EGFLAM: variants seen among roughly 807,000 people sequenced by gnomAD.
EGFLAM encodes the protein EGF like, fibronectin type III and laminin G domains, also known as pikachurin.
A neutral mutation model predicts 113.1 loss-of-function variants in EGFLAM; 79 were observed. That is an observed-to-expected ratio of 0.70 (90% CI 0.58 to 0.84). EGFLAM has a LOEUF of 0.84. Ranked by LOEUF, EGFLAM falls within the 40% of genes least tolerant of loss-of-function variation. EGFLAM has a pLI of 0.00. For missense variants in EGFLAM, 1,265 were observed against 1,291.6 expected, an observed-to-expected ratio of 0.98 and a Z score of 0.32; for synonymous variants, 504 against 487.6, an observed-to-expected ratio of 1.03 and a Z score of -0.44.
At chr5:38,414,898 G>A (rs1041496777) in intron 11 of EGFLAM, among the ~76,000 whole-genome samples, 1 of 152,164 alleles carries the variant, frequency 6.6e-6, no homozygotes, top group African/African-American at 2.4e-5. Flanking sequence ...GGACAGAAGT[G>A]CAACAGACTA....
At chr5:38,383,753 G>A (rs1004742748) in intron 6 of EGFLAM, among the ~76,000 whole-genome samples, 1 of 152,012 alleles carries the variant, frequency 6.6e-6, no homozygotes, top group Non-Finnish European at 1.5e-5. Flanking sequence ...GTAGAGGATG[G>A]TGGGAGCTGC....
chr5:38,417,628 C>T (rs935634059), intron 11 of EGFLAM, among the ~76,000 whole-genome samples: 3 of 151,672 alleles, frequency 2.0e-5, no homozygotes, highest in Non-Finnish European at 4.4e-5. Flanking sequence ...GTGACTAGGA[C>T]AGTGAAAAGG....
intron 5 of EGFLAM, among the ~76,000 whole-genome samples, chr5:38,356,717 C>G (rs1307067841): frequency 6.6e-6 from 1 of 152,180 alleles, no homozygotes; most frequent in Non-Finnish European, 1.5e-5. Context: ...GCCTCCACAG[C>G]TTGTTGCAGC....
At chr5:38,445,513 G>A (rs1742677503) in intron 17 of EGFLAM, 2 of 1,527,190 alleles carry the variant, frequency 1.3e-6, no homozygotes, top group East Asian at 2.3e-5. Flanking sequence ...GGTTCCCCGC[G>A]GGGCTCATAT....
In EGFLAM at chr5:38,418,186, G is replaced by A. The variant is rs771949429; in HGVS notation, c.1615G>A (p.Ala539Thr). The part of the protein sequence containing the change: ...RGFQGCVQSL[A>T]VNGRRIDMRP... ...CTTTCAAGGCTGTGTGCAGTCGCTCGCTGTGAATGGGAGGAGAATTGACAT... is the reference window on the plus strand; with the variant it reads ...CTTTCAAGGCTGTGTGCAGTCGCTCACTGTGAATGGGAGGAGAATTGACAT... Residue 539 changes from alanine (A) to threonine (T), a missense_variant, in exon 12 of 22, where the codon GCT becomes ACT. By Grantham distance (58) the Ala-to-Thr change is moderately conservative. Coordinates refer to ENST00000322350, the MANE Select transcript of EGFLAM (RefSeq NM_152403.4). 36 of 1,614,028 alleles carry A rather than the reference G, an allele frequency of 2.2e-5. No homozygotes were observed. In the East Asian group the frequency reaches 2.5e-4, roughly 11 times the overall value.
chr5:38,422,626 C>G (rs1312155917), intron 12 of EGFLAM, among the ~76,000 whole-genome samples: 2 of 152,128 alleles, frequency 1.3e-5, no homozygotes. Flanking sequence ...ATATGTGCTC[C>G]TTTATAAAGC....
At chr5:38,342,785 C>T (rs926862495) in intron 3 of EGFLAM, among the ~76,000 whole-genome samples, 9 of 152,092 alleles carry the variant, frequency 5.9e-5, no homozygotes, top group African/African-American at 2.2e-4. Flanking sequence ...TTTGAACATG[C>T]ACCAGTATAC....
Position 38,451,467 on chromosome 5 carries a change from C to A in EGFLAM, c.2687+9C>A. ...GGAGCCCTCGTGTTCAGGTAACCCCCTCTCCATCTGCCTTCAGCAGCACCT... is the reference window on the plus strand; with the variant it reads ...GGAGCCCTCGTGTTCAGGTAACCCCATCTCCATCTGCCTTCAGCAGCACCT... On this transcript the variant is annotated intron_variant, in intron 19 of 21. Coordinates refer to ENST00000322350, the MANE Select transcript of EGFLAM (RefSeq NM_152403.4). 6.2e-7 allele frequency: 1 copy of A among 1,613,318 alleles called. No homozygotes were observed. The highest frequency in any genetic ancestry group is 2.2e-5 in the East Asian group (1 of 44,868).
intron 1 of EGFLAM, among the ~76,000 whole-genome samples, chr5:38,273,787 C>T (rs1757821693): frequency 6.6e-6 from 1 of 152,186 alleles, no homozygotes; most frequent in Non-Finnish European, 1.5e-5. Context: ...CATCAATGTG[C>T]AGACATTGAC....
intron 1 of EGFLAM, among the ~76,000 whole-genome samples, chr5:38,306,101 A>T (rs1057197286): frequency 6.6e-6 from 1 of 152,226 alleles, no homozygotes; most frequent in African/African-American, 2.4e-5. Flanking sequence ...GGCCTGACCT[A>T]CAGAGCTCTT....
rs777450172 is a variant in EGFLAM at position 38,438,282 on chromosome 5, T to G, written c.2291T>G (p.Leu764Arg). 4 of 1,612,744 alleles carry G rather than the reference T, an allele frequency of 2.5e-6. No homozygotes were observed. The highest frequency in any genetic ancestry group is 3.4e-6 in the Non-Finnish European group (4 of 1,179,218). The change falls in exon 17 of 22, where the codon CTG (leucine) becomes CGG (arginine). Residue 764 changes from leucine (L) to arginine (R), a missense_variant. Physicochemically the swap from Leu to Arg is moderately radical, Grantham distance 102 (BLOSUM62 -2). Coordinates refer to ENST00000322350, the MANE Select transcript of EGFLAM (RefSeq NM_152403.4). ...ATGTTTTTCTCTCTCAAGATCATCC[T>G]GAATGACCGAACCATCCATGTGAAG... ...PFSGSIQKIILNDRTIHVKHD... is the reference protein window; with the variant it reads ...PFSGSIQKIIRNDRTIHVKHD...
chr5:38,367,160 G>GT (rs2112026913), intron 5 of EGFLAM, among the ~76,000 whole-genome samples: 1 of 151,946 alleles, frequency 6.6e-6, no homozygotes, highest in African/African-American at 2.4e-5. Flanking sequence ...TGTTGTTGTT[G>GT]TTTTTGAGAC....
chr5:38,408,950 T>C, intron 9 of EGFLAM, 54 bp from the exon 10 acceptor site: 1 of 1,446,566 alleles, frequency 6.9e-7, no homozygotes, highest in Non-Finnish European at 9.5e-7. Flanking sequence ...AGGTGGTGCC[T>C]TAAGGAAGGG....
At chr5:38,279,939 A>G (rs994364145) in intron 1 of EGFLAM, among the ~76,000 whole-genome samples, 14 of 152,282 alleles carry the variant, frequency 9.2e-5, no homozygotes, top group African/African-American at 2.9e-4. Flanking sequence ...CCGTTCCACA[A>G]TGTATATATA....
intron 1 of EGFLAM, chr5:38,282,446 G>A (rs542024197): frequency 1.3e-5 from 2 of 152,298 alleles, no homozygotes; most frequent in East Asian, 3.9e-4. Flanking sequence ...CCACCTGAGG[G>A]GTGAAGCTTG....
chr5:38,347,440 G>A (rs960278863), intron 3 of EGFLAM, among the ~76,000 whole-genome samples: 8 of 152,098 alleles, frequency 5.3e-5, no homozygotes, highest in Non-Finnish European at 8.8e-5. Context: ...GCTCAGATTG[G>A]GGTGCACCAA....
rs1739257653 is a variant in EGFLAM at position 38,338,735 on chromosome 5, A to G, written c.245A>G (p.Gln82Arg). The G allele has an allele frequency of 6.2e-7, 1 of 1,614,128 alleles. No individual in the cohort carries two copies. Among genetic ancestry groups the G allele is most frequent in the African/African-American group, 1.3e-5 (1 of 74,944 alleles). The change falls in exon 3 of 22, where the codon CAG (glutamine) becomes CGG (arginine). Residue 82 changes from glutamine (Q) to arginine (R), a missense_variant. Transcript: ENST00000322350. ...GAGGTTGGCGCAGATAAATCCCTGC[A>G]GGAGCAGTTGCACAGCGTGCCTCTC... ...YSEVGADKSL[Q>R]EQLHSVPLSR...
chr5:38,369,400 G>A (rs1002694468), intron 5 of EGFLAM, among the ~76,000 whole-genome samples: 1 of 152,098 alleles, frequency 6.6e-6, no homozygotes, highest in East Asian at 1.9e-4. Flanking sequence ...CTACCACATA[G>A]GGTAGTGGTA....
chr5:38,358,613 C>A (rs948426445), intron 5 of EGFLAM, among the ~76,000 whole-genome samples: 22 of 152,034 alleles, frequency 1.4e-4, no homozygotes, highest in African/African-American at 5.3e-4. Context: ...CTTCATCCAA[C>A]TTCTATTACC....
Sources: allele counts gnomAD v4.1 joint callset (sites outside exome capture counted in the v4.1 genomes callset), GRCh38; gene constraint gnomAD v4.1.1; transcripts MANE v1.5; gene names NCBI Gene and HGNC (gene_info 2026-07-23, HGNC 2026-07-21).